Variants in CNTN5 observed in about 807,000 individuals in gnomAD.
CNTN5 encodes the protein contactin 5, also known as contactin-5.
A neutral mutation model predicts 129.1 loss-of-function variants in CNTN5; 77 were observed. That is an observed-to-expected ratio of 0.60 (90% CI 0.50 to 0.72). The LOEUF (loss-of-function observed/expected upper bound fraction) is 0.72, where lower values mean the gene tolerates loss of function less well. CNTN5 is among the 30% of genes least tolerant of loss of function. CNTN5 has a pLI of 0.00. For missense variants in CNTN5, 1,478 were observed against 1,328.8 expected (o/e 1.11, Z -1.75); for synonymous variants, 509 against 465.6 (o/e 1.09, Z -1.20).
intron 6 of CNTN5, among the ~76,000 whole-genome samples, chr11:99,885,376 T>C (rs1410885379): frequency 6.6e-6 from 1 of 152,058 alleles, no homozygotes; most frequent in Non-Finnish European, 1.5e-5. Context: ...AAGTAAACTA[T>C]TCAGCAGCAA....
At chr11:99,433,197 A>G (rs1463493677) in intron 2 of CNTN5, among the ~76,000 whole-genome samples, 2 of 152,118 alleles carry the variant, frequency 1.3e-5, no homozygotes, top group Non-Finnish European at 2.9e-5. Flanking sequence ...GCTTGAGAGT[A>G]CAGCAGAGAA....
chr11:99,285,767 G>A (rs1241884036), intron 1 of CNTN5, among the ~76,000 whole-genome samples: 2 of 152,070 alleles, frequency 1.3e-5, no homozygotes, highest in East Asian at 3.9e-4. Context: ...GCCAGGCACG[G>A]TGGCTCATGC....
Position 99,638,553 on chromosome 11 carries a change from A to G in CNTN5, c.55+82284A>G, listed in dbSNP as rs138302617. Among the ~76,000 whole-genome samples the G allele has an allele frequency of 1.6e-3, 241 of 152,312 alleles. 3 individuals carry two copies. The highest frequency in any genetic ancestry group is 5.1e-3 in the African/African-American group (210 of 41,562). The stretch of plus-strand genomic sequence containing the variant: ...TTCTGCCTATGAGCCTGTAAAATCA[A>G]AAGCAAACTAGTTACTTCCTAGATA... On this transcript the variant is annotated intron_variant, in intron 3 of 24. Coordinates refer to ENST00000524871, the MANE Select transcript of CNTN5 (RefSeq NM_014361.4).
chr11:99,610,175 A>T (rs1355145223), intron 3 of CNTN5, among the ~76,000 whole-genome samples: 5 of 152,172 alleles, frequency 3.3e-5, no homozygotes, highest in African/African-American at 1.2e-4. Flanking sequence ...TGTATGACAT[A>T]CAGAAGGATT....
At chr11:100,265,738 G>A (rs1950289683) in intron 17 of CNTN5, among the ~76,000 whole-genome samples, 1 of 151,964 alleles carries the variant, frequency 6.6e-6, no homozygotes, top group East Asian at 1.9e-4. Context: ...TATGAATACC[G>A]CCTCCTGCAA....
intron 2 of CNTN5, among the ~76,000 whole-genome samples, chr11:99,489,167 C>T (rs896615588): frequency 2.6e-4 from 40 of 152,100 alleles, no homozygotes; most frequent in African/African-American, 9.7e-4. Flanking sequence ...TTTAGAGACA[C>T]TTCTTTCAGG....
At chr11:99,777,652 A>G (rs1945170930) in intron 3 of CNTN5, among the ~76,000 whole-genome samples, 1 of 151,856 alleles carries the variant, frequency 6.6e-6, no homozygotes, top group African/African-American at 2.4e-5. Flanking sequence ...TGTGGTTGCC[A>G]AGGGTATATT....
At chr11:99,938,078 A>G in intron 7 of CNTN5, among the ~76,000 whole-genome samples, 1 of 152,336 alleles carries the variant, frequency 6.6e-6, no homozygotes. Context: ...TATTCTAAGA[A>G]TGGATCTAAC....
intron 3 of CNTN5, among the ~76,000 whole-genome samples, chr11:99,801,835 T>A (rs1946123012): frequency 6.6e-6 from 1 of 152,202 alleles, no homozygotes; most frequent in African/African-American, 2.4e-5. Context: ...CTTTAGTAGT[T>A]TCTCTGTGTT....
At chr11:99,351,564 A>G (rs992513572) in intron 2 of CNTN5, among the ~76,000 whole-genome samples, 2 of 152,224 alleles carry the variant, frequency 1.3e-5, no homozygotes, top group Non-Finnish European at 2.9e-5. Flanking sequence ...ATACCTAAGC[A>G]TTAGTATTTT....
intron 1 of CNTN5, among the ~76,000 whole-genome samples, chr11:99,316,589 C>T (rs1865350762): frequency 6.6e-6 from 1 of 152,100 alleles, no homozygotes; most frequent in African/African-American, 2.4e-5. Flanking sequence ...GACGACCCTT[C>T]GGTGGAGGAT....
At chr11:99,456,907 G>A (rs1427020558) in intron 2 of CNTN5, among the ~76,000 whole-genome samples, 1 of 152,002 alleles carries the variant, frequency 6.6e-6, no homozygotes. Context: ...AATGAAAGTA[G>A]TACTTGACTC....
chr11:100,282,491 A>T (rs1591471462), intron 18 of CNTN5, among the ~76,000 whole-genome samples: 1 of 152,178 alleles, frequency 6.6e-6, no homozygotes, highest in Non-Finnish European at 1.5e-5. Flanking sequence ...TGACATAAGT[A>T]CCCTGGTGGC....
chr11:99,838,404 T>C (rs1947372628), intron 4 of CNTN5, among the ~76,000 whole-genome samples: 1 of 152,222 alleles, frequency 6.6e-6, no homozygotes, highest in African/African-American at 2.4e-5. Flanking sequence ...TTTTTTCATC[T>C]TTTATTTTTA....
chr11:99,166,591 G>A (rs1217330557), intron 1 of CNTN5, among the ~76,000 whole-genome samples: 2 of 151,936 alleles, frequency 1.3e-5, no homozygotes, highest in Admixed American at 1.3e-4. Context: ...ATGCATGCAA[G>A]GCATTTATAG....
chr11:99,966,326 T>A lies in CNTN5; in HGVS notation c.877+9317T>A, dbSNP rs185335914. Among the ~76,000 whole-genome samples, 9 of 152,284 alleles carry A rather than the reference T, an allele frequency of 5.9e-5. No individual in the cohort carries two copies. In the East Asian group the frequency reaches 1.5e-3, roughly 26 times the overall value. ...AGCAAAGCTGGGAACAAAAATTGCT[T>A]GTAGGTAGTTTATTTCAAATTTATC... On this transcript the variant is annotated intron_variant, in intron 8 of 24. Transcript: ENST00000524871.
At chr11:100,299,691 G>T (rs1277321164) in intron 20 of CNTN5, among the ~76,000 whole-genome samples, 1 of 151,170 alleles carries the variant, frequency 6.6e-6, no homozygotes, top group Non-Finnish European at 1.5e-5. Flanking sequence ...TCTCTGGGTG[G>T]ACATTAAGCC....
chr11:99,563,492 A>T (rs1430426279), intron 3 of CNTN5, among the ~76,000 whole-genome samples: 1 of 152,236 alleles, frequency 6.6e-6, no homozygotes, highest in East Asian at 1.9e-4. Flanking sequence ...CCCAATGTAC[A>T]TGAAGAATGC....
At chr11:100,142,144 A>G (rs1029884359) in intron 13 of CNTN5, among the ~76,000 whole-genome samples, 7 of 152,138 alleles carry the variant, frequency 4.6e-5, no homozygotes, top group African/African-American at 1.7e-4. Flanking sequence ...ACGGAGAATT[A>G]CACTATCACC....
Sources: gnomAD v4.1 joint callset for allele counts (sites outside exome capture counted in the v4.1 genomes callset) on GRCh38, gnomAD v4.1.1 for gene constraint, MANE v1.5 for transcripts, NCBI Gene and HGNC (gene_info 2026-07-23, HGNC 2026-07-21) for gene names.